CBX5: variants seen among roughly 807,000 people sequenced by gnomAD.
CBX5 encodes the protein chromobox protein homolog 5.
Under a neutral mutation model 20.7 loss-of-function variants are expected in CBX5, and 7 were observed. The observed-to-expected ratio is 0.34, with a 90% CI of 0.19 to 0.63. The LOEUF (loss-of-function observed/expected upper bound fraction) is 0.63, where lower values mean the gene tolerates loss of function less well. Ranked by LOEUF, CBX5 falls within the 30% of genes least tolerant of loss-of-function variation. CBX5 has a pLI of 0.75. For missense variants in CBX5, 110 were observed against 224.1 expected (o/e 0.49, Z 3.25); for synonymous variants, 78 against 77.0 (o/e 1.01, Z -0.07).
Position 54,237,115 on chromosome 12 carries a change from A to G in CBX5, c.*4640T>C, listed in dbSNP as rs1420716866. On this transcript the variant is annotated 3_prime_UTR_variant, in exon 5 of 5. Coordinates refer to ENST00000209875, the MANE Select transcript of CBX5 (RefSeq NM_012117.3). ...ACCATCTAGACTTTTAATTGTTAGA[A>G]GCACCACAGGTCCAAATGCTCCCCA... The G allele has an allele frequency of 6.6e-6, 1 of 152,232 alleles. No individual in the cohort carries two copies. Among genetic ancestry groups the G allele is most frequent in the Admixed American group, 6.5e-5 (1 of 15,280 alleles). The allele number at this position is 152,232 out of a possible 1,614,324, so 9.4% of individuals were successfully genotyped here. A position where few individuals can be genotyped will look rare whatever the true frequency, so the allele number is the denominator to read the frequency against.
chr12:54,256,030 C>A (rs1943859891), intron 2 of CBX5: 2 of 152,152 alleles, frequency 1.3e-5, no homozygotes, highest in Admixed American at 1.3e-4. Context: ...TTATGAAATC[C>A]AGGGCATTTC....
intron 1 of CBX5, among the ~76,000 whole-genome samples, chr12:54,263,376 C>CA (rs1314475852): frequency 6.0e-5 from 9 of 149,936 alleles, no homozygotes; most frequent in African/African-American, 2.0e-4. Flanking sequence ...AAAAACCAAA[C>CA]AAAAAACTTA....
intron 3 of CBX5, among the ~76,000 whole-genome samples, chr12:54,250,139 C>A (rs1337844363): frequency 1.3e-5 from 2 of 151,940 alleles, no homozygotes; most frequent in Non-Finnish European, 2.9e-5. Context: ...AGAAGAATCA[C>A]TTGAACCCAG....
chr12:54,275,384 G>A (rs1428502668), intron 1 of CBX5, among the ~76,000 whole-genome samples: 1 of 151,948 alleles, frequency 6.6e-6, no homozygotes, highest in Non-Finnish European at 1.5e-5. Flanking sequence ...TGGGGCTACA[G>A]GCGTGTGCCA....
intron 4 of CBX5, among the ~76,000 whole-genome samples, chr12:54,243,381 G>A (rs1943698849): frequency 6.6e-6 from 1 of 152,098 alleles, no homozygotes; most frequent in African/African-American, 2.4e-5. Flanking sequence ...AACATAGGAA[G>A]ACCTGGTCTC....
chr12:54,238,912 T>TTAGC lies in CBX5; in HGVS notation c.*2839_*2842dup, dbSNP rs1386609655. 6.6e-6 allele frequency: 1 copy of TTAGC among 152,268 alleles called. No individual in the cohort carries two copies. The highest frequency in any genetic ancestry group is 1.5e-5 in the Non-Finnish European group (1 of 68,050). The allele number at this position is 152,268 out of a possible 1,614,324, so 9.4% of individuals were successfully genotyped here. A position where few individuals can be genotyped will look rare whatever the true frequency, so the allele number is the denominator to read the frequency against. On this transcript the variant is annotated 3_prime_UTR_variant, in exon 5 of 5. Transcript: ENST00000209875. ...TTGAGACTTAGGTGTTTAAGAGTGC[T>TTAGC]TAGCTCTTAACTATTAACTCTTCTG...
intron 1 of CBX5, among the ~76,000 whole-genome samples, chr12:54,269,896 G>A (rs1464913112): frequency 6.6e-6 from 1 of 152,122 alleles, no homozygotes; most frequent in East Asian, 1.9e-4. Flanking sequence ...CTGTATTTAA[G>A]TGAGTTTTGG....
At chr12:54,265,776 C>T (rs1434555858) in intron 1 of CBX5, among the ~76,000 whole-genome samples, 7 of 152,210 alleles carry the variant, frequency 4.6e-5, no homozygotes, top group Admixed American at 3.9e-4. Context: ...GGCACAACGG[C>T]TCACGGCTGT....
At chr12:54,245,544 C>T (rs1164816721) in intron 4 of CBX5, among the ~76,000 whole-genome samples, 2 of 151,950 alleles carry the variant, frequency 1.3e-5, no homozygotes, top group Non-Finnish European at 2.9e-5. Context: ...GTAATCCCAG[C>T]ACTTTGGGAG....
rs1447244988 is a variant in CBX5, at chr12:54,237,897, A to AT, written c.*3857dup. ...GACAATTTTATTTTTGTCCACAAAA[A>AT]TTTAATAGAGGTGGCCAGGCACGGT... On this transcript the variant is annotated 3_prime_UTR_variant, in exon 5 of 5. Coordinates refer to ENST00000209875, the MANE Select transcript of CBX5 (RefSeq NM_012117.3). 6.6e-6 allele frequency: 1 copy of AT among 152,270 alleles called. No homozygotes were observed. Among genetic ancestry groups the AT allele is most frequent in the Non-Finnish European group, 1.5e-5 (1 of 68,054 alleles). The allele number at this position is 152,270 out of a possible 1,614,324, so 9.4% of individuals were successfully genotyped here.
rs1565862698 is a variant in CBX5, at chr12:54,232,234, G to A, written c.*9521C>T. 1 of 151,908 alleles carries A rather than the reference G, an allele frequency of 6.6e-6. No individual in the cohort carries two copies. Among genetic ancestry groups the A allele is most frequent in the Non-Finnish European group, 1.5e-5 (1 of 68,016 alleles). 9.4% of individuals were successfully genotyped at this position (151,908 alleles called of 1,614,324 possible). A position where few individuals can be genotyped will look rare whatever the true frequency, so the allele number is the denominator to read the frequency against. ...GGACTAGTAAGATTCCAACATTCAT[G>A]AAAACACTGTCAACATCTGAACTAG... On this transcript the variant is annotated 3_prime_UTR_variant, in exon 5 of 5. Coordinates refer to ENST00000209875, the MANE Select transcript of CBX5 (RefSeq NM_012117.3).
chr12:54,265,034 G>A (rs559413097), intron 1 of CBX5, among the ~76,000 whole-genome samples: 1 of 152,286 alleles, frequency 6.6e-6, no homozygotes, highest in South Asian at 2.1e-4. Context: ...CAGGGTTAAA[G>A]AGCAGAGGAG....
chr12:54,279,364 C>G (rs1358618915), intron 1 of CBX5, among the ~76,000 whole-genome samples: 1 of 152,084 alleles, frequency 6.6e-6, no homozygotes, highest in East Asian at 1.9e-4. Context: ...GAAAAATGCT[C>G]AAGTCGAGGA....
intron 1 of CBX5, among the ~76,000 whole-genome samples, chr12:54,276,152 A>C (rs1333824515): frequency 6.6e-6 from 1 of 152,118 alleles, no homozygotes; most frequent in Non-Finnish European, 1.5e-5. Context: ...ATAATCTTTC[A>C]AAGTAAAACA....
At chr12:54,258,332 T>G (rs1176148481) in intron 1 of CBX5, 1 of 152,156 alleles carries the variant, frequency 6.6e-6, no homozygotes, top group African/African-American at 2.4e-5. Flanking sequence ...GAAAGCTAAT[T>G]TGGGGATGGG....
At chr12:54,279,910 T>TC (rs1270484455) in intron 1 of CBX5, 98 bp downstream of exon 1, 1 of 146,284 alleles carries the variant, frequency 6.8e-6, no homozygotes, top group African/African-American at 2.6e-5. Context: ...CCCTTCACTA[T>TC]CCCCCCACCC....
intron 2 of CBX5, among the ~76,000 whole-genome samples, chr12:54,253,090 T>C (rs1943824634): frequency 6.6e-6 from 1 of 152,044 alleles, no homozygotes; most frequent in African/African-American, 2.4e-5. Context: ...ACAAAAATGT[T>C]CTGAAACTGG....
At chr12:54,257,781 T>G (rs967920625) in intron 1 of CBX5, 89 bp from the exon 2 acceptor site, 2 of 858,932 alleles carry the variant, frequency 2.3e-6, no homozygotes, top group Admixed American at 2.4e-5. Flanking sequence ...GGGATAACAC[T>G]GAGTTGCCAT....
At position 54,243,547 on chromosome 12, in the gene CBX5, C is replaced by A. The variant is rs544860738; in HGVS notation, c.426-1642G>T. Among the ~76,000 whole-genome samples, 9 of 151,756 alleles carry A rather than the reference C, an allele frequency of 5.9e-5. No individual in the cohort carries two copies. In the South Asian group the frequency reaches 1.9e-3, roughly 32 times the overall value. ...CTGCACTCCAGCCTGGGTGACAGGGCGAGACACTGTCTAAAATAAAATTTT... is the reference window on the plus strand; with the variant it reads ...CTGCACTCCAGCCTGGGTGACAGGGAGAGACACTGTCTAAAATAAAATTTT... On this transcript the variant is annotated intron_variant, in intron 4 of 4. Transcript: ENST00000209875.
Sources: allele counts gnomAD v4.1 joint callset (sites outside exome capture counted in the v4.1 genomes callset), GRCh38; gene constraint gnomAD v4.1.1; transcripts MANE v1.5; gene names NCBI Gene and HGNC (gene_info 2026-07-23, HGNC 2026-07-21).